SMIM43: variants seen among roughly 807,000 people sequenced by gnomAD.
SMIM43 encodes the protein small integral membrane protein 43, also known as Nodal Enhanced MEsendoderm Peptide.
intron 2 of SMIM43, among the ~76,000 whole-genome samples, chr4:121,763,434 A>G (rs1476327263): frequency 6.6e-6 from 1 of 152,202 alleles, no homozygotes; most frequent in Non-Finnish European, 1.5e-5. Context: ...CCCTTACTGA[A>G]GATTGAGTAT....
At chr4:121,765,177 C>G (rs1379776433), upstream of SMIM43, 1 of 390,620 alleles carries the variant, frequency 2.6e-6, no homozygotes, top group Non-Finnish European at 4.5e-6. Context: ...GCGCGCCGCC[C>G]GCACACCCAC....
At position 121,760,157 on chromosome 4, in the gene SMIM43, C is replaced by T; in HGVS notation, c.*817G>A. ...TTTGATCTTTTTGAACTTTATGCTC[C>T]TCTGCAACTGTATTCTGTAGCCAGG... On this transcript the variant is annotated 3_prime_UTR_variant, in exon 6 of 6. Transcript: ENST00000643802. 7.4e-7 allele frequency: 1 copy of T among 1,357,468 alleles called. No homozygotes were observed. Among genetic ancestry groups the T allele is most frequent in the Non-Finnish European group, 9.9e-7 (1 of 1,006,028 alleles). 84.1% of individuals were successfully genotyped at this position (1,357,468 alleles called of 1,614,324 possible).
rs1204974806 is a variant in SMIM43 at position 121,759,233 on chromosome 4, T to C, written c.*1741A>G. 1 of 152,184 alleles carries C rather than the reference T, an allele frequency of 6.6e-6. No homozygotes were observed. The highest frequency in any genetic ancestry group is 1.5e-5 in the Non-Finnish European group (1 of 68,020). The allele number at this position is 152,184 out of a possible 1,614,324, so 9.4% of individuals were successfully genotyped here. A position where few individuals can be genotyped will look rare whatever the true frequency, so the allele number is the denominator to read the frequency against. ...GTCATCCATTCACTATACAGGAATA[T>C]GTGCAATATATAGATGTCAAGTTAA... On this transcript the variant is annotated 3_prime_UTR_variant, in exon 6 of 6. Transcript: ENST00000643802.
Position 121,765,037 on chromosome 4 carries a change from G to A in SMIM43, c.69C>T (p.Leu23=). The stretch of plus-strand genomic sequence containing the variant: ...GCTGCTTGATGACCACGAAGAGCAG[G>A]AGGAAAAGTAAGAAGAGCAGGAAGA... The part of the protein sequence containing the change: ...LFFFLLFLLF[L]LLFVVIKQLK... Residue 23 remains leucine (L), a synonymous_variant, in exon 1 of 6, where the codon CTC becomes CTT. Transcript: ENST00000643802. The A allele has an allele frequency of 2.5e-6, 1 of 398,718 alleles. No individual in the cohort carries two copies. The highest frequency in any genetic ancestry group is 4.4e-6 in the Non-Finnish European group (1 of 225,828). The allele number at this position is 398,718 out of a possible 1,614,324, so 24.7% of individuals were successfully genotyped here.
chr4:121,764,019 T>C (rs569231107), intron 1 of SMIM43, 147 bp from the exon 2 acceptor site: 2 of 152,050 alleles, frequency 1.3e-5, no homozygotes, highest in South Asian at 4.2e-4. Flanking sequence ...CTCTAGTAAT[T>C]TAACCTGAAA....
chr4:121,765,142 G>C lies in SMIM43; in HGVS notation c.-37C>G, dbSNP rs1003637576. 7.6e-6 allele frequency: 3 copies of C among 395,212 alleles called. No homozygotes were observed. Among genetic ancestry groups the C allele is most frequent in the Non-Finnish European group, 8.9e-6 (2 of 223,868 alleles). The allele number at this position is 395,212 out of a possible 1,614,324, so 24.5% of individuals were successfully genotyped here. On this transcript the variant is annotated 5_prime_UTR_variant, in exon 1 of 6. Coordinates refer to ENST00000643802, the MANE Select transcript of SMIM43 (RefSeq NM_001384332.1). The stretch of plus-strand genomic sequence containing the variant: ...CGGCGCTCGCTGGCCCTGCGCGCTC[G>C]GCGCGGGCTGCAGCTGGAGGGCGAG...
chr4:121,761,296 A>AC (rs1166246037), intron 5 of SMIM43, among the ~76,000 whole-genome samples: 1 of 152,190 alleles, frequency 6.6e-6, no homozygotes, highest in African/African-American at 2.4e-5. Flanking sequence ...AAAGTACAGC[A>AC]CTGTGTAGAT....
intron 2 of SMIM43, 28 bp downstream of exon 2, chr4:121,763,736 C>T (rs750350845): frequency 2.6e-5 from 4 of 152,208 alleles, no homozygotes; most frequent in Non-Finnish European, 5.9e-5. Context: ...CTAAGGCCAA[C>T]GTGAAACCAT....
At position 121,761,853 on chromosome 4, in the gene SMIM43, C is replaced by G. The variant is rs765390742; in HGVS notation, c.*318G>C. ...ACAAGTTTGGAAATTAGTGCAACAG[C>G]CAAGATTGTCCTGATAAGATCTGAA... On this transcript the variant is annotated 3_prime_UTR_variant, in exon 4 of 6. Transcript: ENST00000643802. The G allele has an allele frequency of 6.2e-7, 1 of 1,612,702 alleles. No individual in the cohort carries two copies. Among genetic ancestry groups the G allele is most frequent in the Non-Finnish European group, 8.5e-7 (1 of 1,179,622 alleles).
In SMIM43 at chr4:121,764,912, G is replaced by T; in HGVS notation, c.*2C>A. The stretch of plus-strand genomic sequence containing the variant: ...GCCCTCCCGCCAGTGCCCGCACTCG[G>T]GTCACACCGCTTGCTCTCGGGAGAA... On this transcript the variant is annotated 3_prime_UTR_variant, in exon 1 of 6. Coordinates refer to ENST00000643802, the MANE Select transcript of SMIM43 (RefSeq NM_001384332.1). 2.5e-6 allele frequency: 1 copy of T among 398,384 alleles called. No homozygotes were observed. Among genetic ancestry groups the T allele is most frequent in the Non-Finnish European group, 4.4e-6 (1 of 225,620 alleles). 24.7% of individuals were successfully genotyped at this position (398,384 alleles called of 1,614,324 possible). A position where few individuals can be genotyped will look rare whatever the true frequency, so the allele number is the denominator to read the frequency against.
chr4:121,762,461 A>G (rs1178592536), intron 3 of SMIM43, among the ~76,000 whole-genome samples: 2 of 152,340 alleles, frequency 1.3e-5, no homozygotes, highest in East Asian at 1.9e-4. Flanking sequence ...CAGGAGATCA[A>G]CAGCAGCAAG....
At chr4:121,760,617 C>T (rs532548120) in intron 5 of SMIM43, 143 bp from the exon 6 acceptor site, 48 of 1,314,550 alleles carry the variant, frequency 3.7e-5, no homozygotes, top group East Asian at 1.4e-4. Context: ...TTATTTAAGC[C>T]GCTCTTCAGT....
intron 1 of SMIM43, chr4:121,764,542 C>A (rs1039463245): frequency 5.2e-6 from 1 of 193,398 alleles, no homozygotes; most frequent in African/African-American, 2.3e-5. Context: ...TTTTCCACTC[C>A]TTGGGTATAA....
chr4:121,760,297 G>C lies in SMIM43; in HGVS notation c.*677C>G, dbSNP rs1190281583. The C allele has an allele frequency of 1.9e-6, 3 of 1,596,900 alleles. No homozygotes were observed. The highest frequency in any genetic ancestry group is 2.6e-6 in the Non-Finnish European group (3 of 1,174,840). On this transcript the variant is annotated 3_prime_UTR_variant, in exon 6 of 6. Coordinates refer to ENST00000643802, the MANE Select transcript of SMIM43 (RefSeq NM_001384332.1). Reference sequence around the variant, plus strand: ...CCAGCTACAAAAACTACATTTCTCAGACAATCTTGCAGATAGCAGTAGCCA... The same window carrying C: ...CCAGCTACAAAAACTACATTTCTCACACAATCTTGCAGATAGCAGTAGCCA...
chr4:121,761,814 G>C lies in SMIM43; in HGVS notation c.*341+16C>G. ...GGTTATCTTGCCAAGTAGAACTGCAGATCCATTGCACTTACAAGTTTGGAA... is the reference window on the plus strand; with the variant it reads ...GGTTATCTTGCCAAGTAGAACTGCACATCCATTGCACTTACAAGTTTGGAA... On this transcript the variant is annotated intron_variant, in intron 4 of 5. Coordinates refer to ENST00000643802, the MANE Select transcript of SMIM43 (RefSeq NM_001384332.1). 1 of 1,612,542 alleles carries C rather than the reference G, an allele frequency of 6.2e-7. No individual in the cohort carries two copies. Among genetic ancestry groups the C allele is most frequent in the Non-Finnish European group, 8.5e-7 (1 of 1,178,982 alleles).
rs1442852704 is a variant in SMIM43, at chr4:121,758,990, A to G, written c.*1984T>C. The G allele has an allele frequency of 6.6e-6, 1 of 152,212 alleles. No individual in the cohort carries two copies. The highest frequency in any genetic ancestry group is 1.5e-5 in the Non-Finnish European group (1 of 68,044). The allele number at this position is 152,212 out of a possible 1,614,324, so 9.4% of individuals were successfully genotyped here. ...CCTTTTAAAAAATATAAGCCACCTA[A>G]TATTTTGAAAAACATACACAGAATA... On this transcript the variant is annotated 3_prime_UTR_variant, in exon 6 of 6. Coordinates refer to ENST00000643802, the MANE Select transcript of SMIM43 (RefSeq NM_001384332.1).
chr4:121,765,433 C>G, upstream of SMIM43: 1 of 217,976 alleles, frequency 4.6e-6, no homozygotes, highest in Non-Finnish European at 8.9e-6. Context: ...ACAGCTCAGT[C>G]TTCCAGGGGA....
chr4:121,760,284 A>T lies in SMIM43; in HGVS notation c.*690T>A. ...GGCAGTTATATATCCAGCTACAAAA[A>T]CTACATTTCTCAGACAATCTTGCAG... On this transcript the variant is annotated 3_prime_UTR_variant, in exon 6 of 6. Transcript: ENST00000643802. The T allele has an allele frequency of 6.3e-7, 1 of 1,591,468 alleles. No homozygotes were observed. The highest frequency in any genetic ancestry group is 8.5e-7 in the Non-Finnish European group (1 of 1,171,610).
Sources: allele counts gnomAD v4.1 joint callset (sites outside exome capture counted in the v4.1 genomes callset), GRCh38; gene constraint gnomAD v4.1.1; transcripts MANE v1.5; gene names NCBI Gene and HGNC (gene_info 2026-07-23, HGNC 2026-07-21).